BTRC: variants seen among roughly 807,000 people sequenced by gnomAD.
BTRC encodes F-box/WD repeat-containing protein 1A.
BTRC carries 42 observed loss-of-function variants against 85.5 expected under a neutral mutation model. That is an observed-to-expected ratio of 0.49 (90% CI 0.38 to 0.64). BTRC has a LOEUF of 0.64. BTRC is among the 30% of genes least tolerant of loss of function. The pLI, the probability that BTRC is intolerant of heterozygous loss-of-function variation, is 0.00. For synonymous variants in BTRC, 255 were observed against 263.3 expected, an observed-to-expected ratio of 0.97 and a Z score of 0.30; for missense variants, 594 against 743.5, an observed-to-expected ratio of 0.80 and a Z score of 2.34.
intron 13 of BTRC, among the ~76,000 whole-genome samples, chr10:101,543,021 C>T (rs1339454245): frequency 1.3e-5 from 2 of 152,322 alleles, no homozygotes; most frequent in East Asian, 1.9e-4. Flanking sequence ...GCATTACAGG[C>T]ACCTGCCACC....
intron 1 of BTRC, among the ~76,000 whole-genome samples, chr10:101,424,830 G>A (rs552808162): frequency 1.8e-4 from 28 of 152,154 alleles, no homozygotes; most frequent in Middle Eastern, 6.8e-3. Flanking sequence ...TTAAAATTGG[G>A]GTATATGTGC....
At chr10:101,367,048 AT>A (rs1942479790) in intron 1 of BTRC, among the ~76,000 whole-genome samples, 9 of 95,776 alleles carry the variant, frequency 9.4e-5, no homozygotes, top group African/African-American at 3.6e-4. Context: ...ATATAAATAT[AT>A]ATATATATAA....
At chr10:101,363,568 C>A (rs1187292968) in intron 1 of BTRC, among the ~76,000 whole-genome samples, 1 of 152,080 alleles carries the variant, frequency 6.6e-6, no homozygotes, top group Non-Finnish European at 1.5e-5. Flanking sequence ...AAGTGATTCT[C>A]CTGCCTCAGC....
intron 1 of BTRC, among the ~76,000 whole-genome samples, chr10:101,428,830 A>C (rs774900731): frequency 6.6e-6 from 1 of 152,200 alleles, no homozygotes; most frequent in Non-Finnish European, 1.5e-5. Flanking sequence ...CCCATTATCT[A>C]TCTATCTTTA....
At chr10:101,523,740 A>G (rs1367853763) in intron 5 of BTRC, among the ~76,000 whole-genome samples, 2 of 152,194 alleles carry the variant, frequency 1.3e-5, no homozygotes. Flanking sequence ...TTTTCTTAAT[A>G]CATTCTCTTA....
intron 14 of BTRC, among the ~76,000 whole-genome samples, chr10:101,552,315 AGTACCGCGGGCACACAACACCAT>A (rs761237744): frequency 2.1e-3 from 311 of 150,844 alleles, no homozygotes; most frequent in South Asian, 3.4e-3. Flanking sequence ...CAGCCTCCTG[AGTACCGCGGGCACACAACACCAT>A]GACCAGCTAA....
chr10:101,472,294 C>CTTCTCTTCTG (rs1945550476), intron 3 of BTRC, among the ~76,000 whole-genome samples: 1 of 148,564 alleles, frequency 6.7e-6, no homozygotes, highest in African/African-American at 2.5e-5. Flanking sequence ...CTTCTCTTCT[C>CTTCTCTTCTG]TTCTCTTCTC....
At chr10:101,398,765 T>C (rs964167676) in intron 1 of BTRC, among the ~76,000 whole-genome samples, 7 of 152,300 alleles carry the variant, frequency 4.6e-5, no homozygotes, top group African/African-American at 1.4e-4. Flanking sequence ...TCGTCAGTTA[T>C]AAGAAATAAT....
intron 2 of BTRC, among the ~76,000 whole-genome samples, chr10:101,451,324 A>G (rs1434374287): frequency 2.0e-5 from 3 of 152,102 alleles, no homozygotes; most frequent in Admixed American, 6.6e-5. Flanking sequence ...ATTTTCAAGA[A>G]TCTGATTTTT....
chr10:101,515,247 C>T (rs745571697), intron 4 of BTRC, among the ~76,000 whole-genome samples: 2 of 152,180 alleles, frequency 1.3e-5, no homozygotes, highest in Non-Finnish European at 2.9e-5. Flanking sequence ...TGAGCCACCA[C>T]ACCTAACCGT....
At chr10:101,506,178 G>T (rs1946536758) in intron 4 of BTRC, among the ~76,000 whole-genome samples, 1 of 152,202 alleles carries the variant, frequency 6.6e-6, no homozygotes, top group Non-Finnish European at 1.5e-5. Context: ...CTCCCAAAGT[G>T]CTGGGGTTAC....
chr10:101,446,585 A>G (rs1325389495), intron 2 of BTRC, among the ~76,000 whole-genome samples: 5 of 152,202 alleles, frequency 3.3e-5, no homozygotes, highest in Non-Finnish European at 7.3e-5. Context: ...AAAACAGTTG[A>G]TGCTGTGTAT....
chr10:101,530,816 C>A (rs764121893), intron 6 of BTRC, among the ~76,000 whole-genome samples: 3 of 152,190 alleles, frequency 2.0e-5, no homozygotes, highest in Non-Finnish European at 4.4e-5. Flanking sequence ...CCGCAGACAG[C>A]TATGGAGAGT....
rs1491295726 is a variant in BTRC at position 101,366,994 on chromosome 10, TAA to T, written c.48+12767_48+12768del. 1.2e-4 allele frequency among the ~76,000 whole-genome samples: 6 copies of T among 51,668 alleles called. 1 individual carries two copies. Among genetic ancestry groups the T allele is most frequent in the Admixed American group, 3.6e-4 (1 of 2,792 alleles). 33.9% of individuals were successfully genotyped at this position (51,668 alleles called of 152,430 possible). On this transcript the variant is annotated intron_variant, in intron 1 of 14. Coordinates refer to ENST00000370187, the MANE Select transcript of BTRC (RefSeq NM_033637.4). ...TATATATTTATATATTTATATATATTAATATATATATTTATATATATATTTAT... is the reference window on the plus strand; with the variant it reads ...TATATATTTATATATTTATATATATTTATATATATTTATATATATATTTAT...
At chr10:101,504,427 T>A (rs1052163185) in intron 4 of BTRC, among the ~76,000 whole-genome samples, 6 of 151,844 alleles carry the variant, frequency 4.0e-5, no homozygotes, top group African/African-American at 1.5e-4. Context: ...ACTTCATCTC[T>A]CCTGTAGCCA....
intron 3 of BTRC, among the ~76,000 whole-genome samples, chr10:101,477,508 C>T (rs1224360681): frequency 6.6e-6 from 1 of 151,732 alleles, no homozygotes; most frequent in Non-Finnish European, 1.5e-5. Flanking sequence ...GAGACAGGGC[C>T]TCGCTGTGCT....
chr10:101,445,250 T>C (rs1038393040), intron 2 of BTRC, among the ~76,000 whole-genome samples: 1 of 152,204 alleles, frequency 6.6e-6, no homozygotes, highest in African/African-American at 2.4e-5. Flanking sequence ...TGTATATTTG[T>C]AGGAGTATCA....
rs992665847 is a variant in BTRC at position 101,375,422 on chromosome 10, C to T, written c.48+21194C>T. Among the ~76,000 whole-genome samples, 4 of 152,180 alleles carry T rather than the reference C, an allele frequency of 2.6e-5. No individual in the cohort carries two copies. The East Asian group carries it at 7.7e-4, about 29-fold the overall frequency. ...TTCACTACGCTTCTTGTACAGCCTG[C>T]AGAACCGTGAGCCAATGAAACCTCT... On this transcript the variant is annotated intron_variant, in intron 1 of 14. Transcript: ENST00000370187.
At chr10:101,401,837 C>CAAAAAA (rs766212284) in intron 1 of BTRC, among the ~76,000 whole-genome samples, 9 of 51,932 alleles carry the variant, frequency 1.7e-4, no homozygotes, top group Non-Finnish European at 2.4e-4. Context: ...GACCTCATCT[C>CAAAAAA]AAAAAAAAAA....
Sources: allele counts gnomAD v4.1 joint callset (sites outside exome capture counted in the v4.1 genomes callset), GRCh38; gene constraint gnomAD v4.1.1; transcripts MANE v1.5; gene names NCBI Gene and HGNC (gene_info 2026-07-23, HGNC 2026-07-21).